The following MINDY2 variants were observed in gnomAD, a reference collection of about 807,000 sequenced individuals.
MINDY2 encodes the protein ubiquitin carboxyl-terminal hydrolase MINDY-2.
Under a neutral mutation model 68.2 loss-of-function variants are expected in MINDY2, and 52 were observed. The ratio of observed to expected loss-of-function variants is 0.76; its 90% CI spans 0.61 to 0.96. The LOEUF (loss-of-function observed/expected upper bound fraction) is 0.96. Ranked by LOEUF, MINDY2 falls within the 40% of genes least tolerant of loss-of-function variation. The pLI, the probability that MINDY2 is intolerant of heterozygous loss-of-function variation, is 0.00. For synonymous variants in MINDY2, 372 were observed against 303.0 expected (o/e 1.23, Z -2.36); for missense variants, 881 against 773.4 (o/e 1.14, Z -1.65).
chr15:58,819,021 C>T (rs1450416900), intron 4 of MINDY2, among the ~76,000 whole-genome samples: 1 of 152,076 alleles, frequency 6.6e-6, no homozygotes, highest in African/African-American at 2.4e-5. Flanking sequence ...CTGCATTGCC[C>T]AGGCTGATGT....
At position 58,796,588 on chromosome 15, in the gene MINDY2, G is replaced by A. The variant is rs1231378611; in HGVS notation, c.899-5725G>A. ...TGCCCAAGCTGGAGTGCAGTGGCACGATCTTGCTCACTGCAACCTCTGCCT... is the reference window on the plus strand; with the variant it reads ...TGCCCAAGCTGGAGTGCAGTGGCACAATCTTGCTCACTGCAACCTCTGCCT... On this transcript the variant is annotated intron_variant, in intron 2 of 8. Transcript: ENST00000559228. Among the ~76,000 whole-genome samples, 4 of 152,270 alleles carry A rather than the reference G, an allele frequency of 2.6e-5. No individual in the cohort carries two copies. In the South Asian group the frequency reaches 6.2e-4, roughly 24 times the overall value.
chr15:58,852,089 C>T (rs1744386061), intron 8 of MINDY2, 124 bp downstream of exon 8: 1 of 630,160 alleles, frequency 1.6e-6, no homozygotes, highest in Non-Finnish European at 2.6e-6. Flanking sequence ...GAGTTCGAGA[C>T]CAGCCTGGCC....
intron 1 of MINDY2, among the ~76,000 whole-genome samples, chr15:58,775,052 G>C (rs574330939): frequency 6.6e-6 from 1 of 152,114 alleles, no homozygotes; most frequent in South Asian, 2.1e-4. Flanking sequence ...GTGAGCCAGG[G>C]GTACTAGAAG....
At position 58,846,106 on chromosome 15, in the gene MINDY2, AAG is replaced by A. The variant is rs1555435700; in HGVS notation, c.1369-1189_1369-1188del. ...TTAATGGATGTTAAAAAAAAAAAAA[AAG>A]AAAAAACAGAATGATTGAGACCTAG... On this transcript the variant is annotated intron_variant, in intron 6 of 8. Transcript: ENST00000559228. Among the ~76,000 whole-genome samples, 10 of 152,046 alleles carry A rather than the reference AAG, an allele frequency of 6.6e-5. No individual in the cohort carries two copies. In the South Asian group the frequency reaches 2.1e-3, roughly 32 times the overall value.
chr15:58,789,971 G>T (rs1253407432), intron 2 of MINDY2, among the ~76,000 whole-genome samples: 1 of 151,796 alleles, frequency 6.6e-6, no homozygotes, highest in Admixed American at 6.6e-5. Flanking sequence ...TAGAGATTGG[G>T]TTTCACTGTG....
chr15:58,831,900 C>T lies in MINDY2; in HGVS notation c.1352C>T (p.Thr451Ile). The T allele has an allele frequency of 6.2e-7, 1 of 1,612,540 alleles. No homozygotes were observed. The highest frequency in any genetic ancestry group is 8.5e-7 in the Non-Finnish European group (1 of 1,179,504). The change falls in exon 6 of 9, where the codon ACC becomes ATC. Residue 451 changes from threonine to isoleucine, a missense_variant. By Grantham distance (89) the Thr-to-Ile change is moderately conservative. Coordinates refer to ENST00000559228, the MANE Select transcript of MINDY2 (RefSeq NM_001040450.3). ...CVFFRNNHFSTMTKYKGQLYL... is the reference protein window; with the variant it reads ...CVFFRNNHFSIMTKYKGQLYL... ...TTCTTTCGGAATAATCATTTTAGCA[C>T]CATGACCAAATACAAGGTATGATAT... is the stretch of plus-strand genomic sequence containing the variant.
In MINDY2 at chr15:58,817,997, G is replaced by A. The variant is rs2030812118; in HGVS notation, c.1123-3720G>A. Among the ~76,000 whole-genome samples, 3 of 152,148 alleles carry A rather than the reference G, an allele frequency of 2.0e-5. No individual in the cohort carries two copies. The South Asian group carries it at 6.2e-4, about 32-fold the overall frequency. On this transcript the variant is annotated intron_variant, in intron 4 of 8. Coordinates refer to ENST00000559228, the MANE Select transcript of MINDY2 (RefSeq NM_001040450.3). ...TCCGAAACTGAAAACAACTTGAATA[G>A]CCATCAAAAGACAAATGAGTAACCA...
intron 1 of MINDY2, among the ~76,000 whole-genome samples, chr15:58,786,192 A>G (rs1901485517): frequency 6.6e-6 from 1 of 152,244 alleles, no homozygotes; most frequent in South Asian, 2.1e-4. Context: ...AAATTGTGAC[A>G]TTATTACATT....
At chr15:58,843,332 G>T (rs556846441) in intron 6 of MINDY2, among the ~76,000 whole-genome samples, 10 of 151,990 alleles carry the variant, frequency 6.6e-5, no homozygotes, top group Non-Finnish European at 1.3e-4. Context: ...TGTATTTTTA[G>T]TAGAGACGGG....
At chr15:58,802,269 AG>A (rs2140954352) in intron 2 of MINDY2, 43 bp from the exon 3 acceptor site, 1 of 1,301,978 alleles carries the variant, frequency 7.7e-7, no homozygotes, top group East Asian at 2.4e-5. Context: ...CAGAAAAACA[AG>A]TTTTTAAAAG....
intron 5 of MINDY2, among the ~76,000 whole-genome samples, chr15:58,831,182 A>G (rs117737052): frequency 8.3e-4 from 126 of 152,146 alleles, no homozygotes; most frequent in Non-Finnish European, 1.5e-3. Flanking sequence ...GGAGATTAGC[A>G]TAAAAATGGC....
At chr15:58,832,226 TTC>T (rs1316972734) in intron 6 of MINDY2, among the ~76,000 whole-genome samples, 3 of 140,208 alleles carry the variant, frequency 2.1e-5, no homozygotes, top group Non-Finnish European at 3.1e-5. Context: ...CTAGGATGAC[TTC>T]TTTTTTTTTT....
chr15:58,799,249 A>G (rs1902478006), intron 2 of MINDY2, among the ~76,000 whole-genome samples: 1 of 152,208 alleles, frequency 6.6e-6, no homozygotes, highest in Non-Finnish European at 1.5e-5. Flanking sequence ...ATTTCTCTGG[A>G]GAAAAAAGAG....
At chr15:58,773,973 G>A (rs1900604886) in intron 1 of MINDY2, among the ~76,000 whole-genome samples, 1 of 152,176 alleles carries the variant, frequency 6.6e-6, no homozygotes, top group South Asian at 2.1e-4. Flanking sequence ...TTGCTCTAAC[G>A]GGCCAGAGTC....
chr15:58,799,522 T>C (rs565523720), intron 2 of MINDY2, among the ~76,000 whole-genome samples: 1 of 146,386 alleles, frequency 6.8e-6, no homozygotes, highest in Non-Finnish European at 1.5e-5. Flanking sequence ...GAGCTTGCAG[T>C]GAGCCGAGAT....
At chr15:58,842,914 G>A (rs984057436) in intron 6 of MINDY2, among the ~76,000 whole-genome samples, 1 of 152,066 alleles carries the variant, frequency 6.6e-6, no homozygotes, top group African/African-American at 2.4e-5. Flanking sequence ...CTTTCAACTT[G>A]ACTTTCAAGT....
At position 58,772,240 on chromosome 15, in the gene MINDY2, ATTCTGCAGCTTTCTACT is replaced by A; in HGVS notation, c.840+7_840+23del. 6.2e-7 allele frequency: 1 copy of A among 1,609,016 alleles called. No homozygotes were observed. Among genetic ancestry groups the A allele is most frequent in the Non-Finnish European group, 8.5e-7 (1 of 1,179,916 alleles). On this transcript the variant is annotated splice_donor_region_variant and intron_variant, in intron 1 of 8. Coordinates refer to ENST00000559228, the MANE Select transcript of MINDY2 (RefSeq NM_001040450.3). The stretch of plus-strand genomic sequence containing the variant: ...GTTTTGCTCCTGGCCTGGAAGGTAC[ATTCTGCAGCTTTCTACT>A]TCCTACAGCTTTTGGGGTGGAGGAA...
At chr15:58,834,608 C>G (rs1277186475) in intron 6 of MINDY2, among the ~76,000 whole-genome samples, 3 of 152,190 alleles carry the variant, frequency 2.0e-5, no homozygotes, top group African/African-American at 7.2e-5. Flanking sequence ...GTACAATTCT[C>G]TAACCATCAT....
At chr15:58,800,663 C>CTTT (rs576365812) in intron 2 of MINDY2, among the ~76,000 whole-genome samples, 1 of 141,182 alleles carries the variant, frequency 7.1e-6, no homozygotes, top group African/African-American at 2.6e-5. Context: ...TCCAGTTTAG[C>CTTT]TTTTTTTTTT....
Sources: allele counts gnomAD v4.1 joint callset (sites outside exome capture counted in the v4.1 genomes callset), GRCh38; gene constraint gnomAD v4.1.1; transcripts MANE v1.5; gene names NCBI Gene and HGNC (gene_info 2026-07-23, HGNC 2026-07-21).